Variants in SPEF2 observed in about 807,000 individuals in gnomAD.
SPEF2 encodes sperm flagellar and cilia associated 2, also known as sperm flagella and cilia-associated protein 2.
In SPEF2, 187 loss-of-function variants were observed where a neutral mutation model predicts 224.6. That is an observed-to-expected ratio of 0.83 (90% CI 0.74 to 0.94). SPEF2 has a LOEUF of 0.94. SPEF2 is among the 40% of genes least tolerant of loss of function. The pLI is 0.00. For missense variants in SPEF2, 2,170 were observed against 2,135.6 expected, an observed-to-expected ratio of 1.02 and a Z score of -0.32; for synonymous variants, 715 against 707.3, an observed-to-expected ratio of 1.01 and a Z score of -0.17.
intron 2 of SPEF2, among the ~76,000 whole-genome samples, chr5:35,637,591 G>A (rs10065254): frequency 1.7e-4 from 26 of 152,232 alleles, no homozygotes; most frequent in African/African-American, 6.3e-4. Context: ...AGAAGCCATG[G>A]ATTAGAACTA....
intron 29 of SPEF2, among the ~76,000 whole-genome samples, chr5:35,778,463 G>A (rs568838921): frequency 1.3e-3 from 200 of 152,224 alleles, no homozygotes; most frequent in African/African-American, 4.7e-3. Flanking sequence ...TCAGATTCCA[G>A]CACTCTTTCT....
intron 23 of SPEF2, among the ~76,000 whole-genome samples, chr5:35,742,638 C>G (rs951782168): frequency 2.0e-5 from 3 of 151,722 alleles, no homozygotes; most frequent in Admixed American, 2.0e-4. Context: ...ACCATTTTCT[C>G]CTAAGTTTAA....
intron 30 of SPEF2, chr5:35,790,158 A>T: frequency 1.4e-6 from 1 of 702,900 alleles, no homozygotes; most frequent in South Asian, 1.5e-5. Flanking sequence ...ACATGGCTTT[A>T]GTCAGATGAA....
chr5:35,801,460 C>A (rs1312924852), intron 34 of SPEF2, among the ~76,000 whole-genome samples: 1 of 151,930 alleles, frequency 6.6e-6, no homozygotes, highest in Non-Finnish European at 1.5e-5. Context: ...TTGCAGTGAG[C>A]CAAGATCGCA....
At chr5:35,728,797 A>T (rs1187701399) in intron 21 of SPEF2, among the ~76,000 whole-genome samples, 3 of 152,156 alleles carry the variant, frequency 2.0e-5, no homozygotes, top group African/African-American at 4.8e-5. Context: ...AATTGAGAGC[A>T]TTAAGTGATA....
At chr5:35,671,181 A>G (rs1751178518) in intron 10 of SPEF2, 15 of 985,420 alleles carry the variant, frequency 1.5e-5, no homozygotes, top group African/African-American at 1.7e-5. Flanking sequence ...CACTGATAGT[A>G]CATACTCAAC....
At position 35,723,431 on chromosome 5, in the gene SPEF2, C is replaced by T. The variant is rs116921214; in HGVS notation, c.2915-4244C>T. 7.2e-5 allele frequency among the ~76,000 whole-genome samples: 11 copies of T among 152,096 alleles called. No homozygotes were observed. In the East Asian group the frequency reaches 1.2e-3, roughly 16 times the overall value. On this transcript the variant is annotated intron_variant, in intron 20 of 36. Transcript: ENST00000356031. ...GGGGACCAGCAGTTTTGTGTTTTAA[C>T]GAGCCCACTAGAGGATCCTGATGAT...
In SPEF2 at chr5:35,752,916, A is replaced by G. The variant is rs138134195; in HGVS notation, c.3331-708A>G. Among the ~76,000 whole-genome samples, 3 of 150,218 alleles carry G rather than the reference A, an allele frequency of 2.0e-5. No homozygotes were observed. The East Asian group carries it at 5.8e-4, about 29-fold the overall frequency. ...ACTCTATGTGATAACTATTTTTATT[A>G]TATTTATATGTAAATTATTAAATAT... On this transcript the variant is annotated intron_variant, in intron 23 of 36. Coordinates refer to ENST00000356031, the MANE Select transcript of SPEF2 (RefSeq NM_024867.4).
chr5:35,764,485 G>A (rs4869466), intron 26 of SPEF2: 410,609 of 439,970 alleles, frequency 0.93, 191,894 homozygotes, highest in South Asian at 0.99. Flanking sequence ...CACACCATGG[G>A]GAAGATACAC....
At chr5:35,679,063 A>C (rs1275609571) in intron 10 of SPEF2, among the ~76,000 whole-genome samples, 22 of 152,220 alleles carry the variant, frequency 1.4e-4, no homozygotes, top group Admixed American at 1.4e-3. Context: ...TCTAAAAGTT[A>C]AAGTGTTACC....
In SPEF2 at chr5:35,624,591, A is replaced by G. The variant is rs113603350; in HGVS notation, c.59-3869A>G. 5.1e-3 allele frequency among the ~76,000 whole-genome samples: 776 copies of G among 152,014 alleles called. 5 individuals carry two copies. The highest frequency in any genetic ancestry group is 0.018 in the African/African-American group (735 of 41,440). ...TTCCTCACTGTTTCTCTCTCTCCCT[A>G]TCACCTTTGTCCTCTCTCAATCTCT... On this transcript the variant is annotated intron_variant, in intron 1 of 36. Transcript: ENST00000356031.
chr5:35,666,990 G>T, intron 8 of SPEF2, 82 bp from the exon 9 acceptor site: 1 of 1,318,812 alleles, frequency 7.6e-7, no homozygotes, highest in South Asian at 1.5e-5. Context: ...TCTACTGAAA[G>T]ACTTTTTGGC....
chr5:35,691,126 G>C lies in SPEF2; in HGVS notation c.1614G>C (p.Arg538Ser), dbSNP rs1292657400. ...GCATACTGGGCCATATTCTTCACAGGCTAGCTGAAAAATCTCTTCCTCCTC... is the reference window on the plus strand; with the variant it reads ...GCATACTGGGCCATATTCTTCACAGCCTAGCTGAAAAATCTCTTCCTCCTC... ...NNCILGHILHRLAEKSLPPRA... is the reference protein window; with the variant it reads ...NNCILGHILHSLAEKSLPPRA... The change falls in exon 11 of 37, where the codon AGG becomes AGC. Residue 538 changes from arginine to serine, a missense_variant. Arg to Ser is a moderately radical substitution (Grantham distance 110, BLOSUM62 -1). Coordinates refer to ENST00000356031, the MANE Select transcript of SPEF2 (RefSeq NM_024867.4). The C allele has an allele frequency of 1.2e-6, 2 of 1,613,912 alleles. No homozygotes were observed. The highest frequency in any genetic ancestry group is 1.7e-6 in the Non-Finnish European group (2 of 1,179,996).
At chr5:35,741,619 A>G (rs1747655472) in intron 23 of SPEF2, among the ~76,000 whole-genome samples, 1 of 152,216 alleles carries the variant, frequency 6.6e-6, no homozygotes, top group African/African-American at 2.4e-5. Context: ...GCAGTAGAGT[A>G]AAAACAGCAG....
At chr5:35,630,703 G>GA (rs201930196) in intron 2 of SPEF2, among the ~76,000 whole-genome samples, 3,890 of 150,392 alleles carry the variant, frequency 0.026, 190 homozygotes, top group African/African-American at 0.09. Context: ...CTCAAAAAAA[G>GA]AAAAAAAAAG....
chr5:35,760,573 T>C (rs1191881462), intron 25 of SPEF2, among the ~76,000 whole-genome samples: 2 of 152,108 alleles, frequency 1.3e-5, no homozygotes, highest in Non-Finnish European at 2.9e-5. Context: ...TAGTCTAACA[T>C]CAGATTTCTG....
chr5:35,809,872 G>A (rs952383540), intron 36 of SPEF2, among the ~76,000 whole-genome samples: 3 of 152,036 alleles, frequency 2.0e-5, no homozygotes, highest in African/African-American at 7.2e-5. Context: ...CCACATATCA[G>A]GGAACAGCTC....
At chr5:35,746,337 A>C (rs1748518798) in intron 23 of SPEF2, among the ~76,000 whole-genome samples, 1 of 152,224 alleles carries the variant, frequency 6.6e-6, no homozygotes, top group Non-Finnish European at 1.5e-5. Context: ...ATTTATCTGA[A>C]AAAGAATTCA....
intron 2 of SPEF2, among the ~76,000 whole-genome samples, chr5:35,632,138 G>A (rs997106531): frequency 1.3e-5 from 2 of 152,020 alleles, no homozygotes; most frequent in African/African-American, 4.8e-5. Flanking sequence ...ACATTTTCGG[G>A]TATCTTTATA....
Sources: gnomAD v4.1 joint callset for allele counts (sites outside exome capture counted in the v4.1 genomes callset) on GRCh38, gnomAD v4.1.1 for gene constraint, MANE v1.5 for transcripts, NCBI Gene and HGNC (gene_info 2026-07-23, HGNC 2026-07-21) for gene names.